The following TTN variants were observed in gnomAD, a reference collection of about 807,000 sequenced individuals.
TTN encodes the protein titin, also known as connectin.
A neutral mutation model predicts 3,223.0 loss-of-function variants in TTN; 1,525 were observed. The ratio of observed to expected loss-of-function variants is 0.47; its 90% CI spans 0.45 to 0.49. TTN has a LOEUF of 0.49. Among genes scored for constraint, TTN ranks in the 20% least tolerant of loss-of-function variants. The pLI is 0.00. For synonymous variants in TTN, 14,094 were observed against 15,161.0 expected (o/e 0.93, Z 5.17); for missense variants, 40,786 against 43,424.0 (o/e 0.94, Z 5.40).
At chr2:178,675,846 G>C in intron 148 of TTN, 75 bp downstream of exon 148, 1 of 1,543,370 alleles carries the variant, frequency 6.5e-7, no homozygotes, top group East Asian at 2.4e-5. Context: ...TAACAAATAC[G>C]GAAACAGGAC....
chr2:178,542,715 T>G lies in TTN; in HGVS notation c.97139A>C (p.Glu32380Ala). ...AGTAGTTCCGGTAACATTCTTCAAT[T>G]CAAGTGTGTATTCTCCAGTATCTCT... ...TIRDTGEYTLELKNVTGTTSE... is the reference protein window; with the variant it reads ...TIRDTGEYTLALKNVTGTTSE... The change falls in exon 348 of 363, where the codon GAA (glutamate) becomes GCA (alanine). Residue 32380 changes from glutamate to alanine, a missense_variant. Physicochemically the swap from Glu to Ala is moderately radical, Grantham distance 107 (BLOSUM62 -1). Transcript: ENST00000589042. 3.1e-6 allele frequency: 5 copies of G among 1,613,856 alleles called. No homozygotes were observed. The highest frequency in any genetic ancestry group is 4.2e-6 in the Non-Finnish European group (5 of 1,179,778).
In TTN at chr2:178,650,807, A is replaced by C; in HGVS notation, c.39653T>G (p.Leu13218Trp). 1 of 1,607,550 alleles carries C rather than the reference A, an allele frequency of 6.2e-7. No individual in the cohort carries two copies. Among genetic ancestry groups the C allele is most frequent in the Non-Finnish European group, 8.5e-7 (1 of 1,176,854 alleles). ...AACAGGAACAGCTGGTTTCTCTTCCAAGACAGGTTTCTTTGGCACTTCTGG... is the reference window on the plus strand; with the variant it reads ...AACAGGAACAGCTGGTTTCTCTTCCCAGACAGGTTTCTTTGGCACTTCTGG... ...KVPEVPKKPV[L>W]EEKPAVPVPE... The change falls in exon 209 of 363, where the codon TTG becomes TGG. Residue 13218 changes from leucine (L) to tryptophan (W), a missense_variant. Coordinates refer to ENST00000589042, the MANE Select transcript of TTN (RefSeq NM_001267550.2).
chr2:178,707,776 A>G lies in TTN; in HGVS notation c.28791T>C (p.Thr9597=). 1 of 1,612,170 alleles carries G rather than the reference A, an allele frequency of 6.2e-7. No homozygotes were observed. The highest frequency in any genetic ancestry group is 8.5e-7 in the Non-Finnish European group (1 of 1,178,518). Reference sequence around the variant, plus strand: ...ATTCTCCTTCACTCACTGTTACTGGAGTAAGGTGCTGATCAAATACAGGTG... The same window carrying G: ...ATTCTCCTTCACTCACTGTTACTGGGGTAAGGTGCTGATCAAATACAGGTG... ...KKPPVFDQHL[T]PVTVSEGEYV... is the part of the protein sequence containing the mutation. The change falls in exon 100 of 363, where the codon ACT becomes ACC. Residue 9597 remains threonine, a synonymous_variant. Transcript: ENST00000589042.
Position 178,566,984 on chromosome 2 carries a change from G to C in TTN, c.79148C>G (p.Pro26383Arg). Reference sequence around the variant, plus strand: ...TTTTGGTGGTCCAGGAAGCACAAATGGATTTTTCATTAGTACTGGTGCAGA... The same window carrying C: ...TTTTGGTGGTCCAGGAAGCACAAATCGATTTTTCATTAGTACTGGTGCAGA... ...LESAPVLMKN[P>R]FVLPGPPKSL... Residue 26383 changes from proline to arginine, a missense_variant, in exon 326 of 363, where the codon CCA (proline) becomes CGA (arginine). Coordinates refer to ENST00000589042, the MANE Select transcript of TTN (RefSeq NM_001267550.2). The C allele has an allele frequency of 6.2e-7, 1 of 1,613,538 alleles. No homozygotes were observed. The highest frequency in any genetic ancestry group is 8.5e-7 in the Non-Finnish European group (1 of 1,179,642).
Position 178,609,944 on chromosome 2 carries a change from G to A in TTN, c.51479C>T (p.Thr17160Ile). 1 of 1,612,732 alleles carries A rather than the reference G, an allele frequency of 6.2e-7. No individual in the cohort carries two copies. The highest frequency in any genetic ancestry group is 8.5e-7 in the Non-Finnish European group (1 of 1,179,196). ...PPVDVEVHNP[T>I]AEAMTITWKP... ...CCATGTAATAGTCATTGCCTCCGCT[G>A]TAGGATTATGAACCTCTACATCTAC... Residue 17160 changes from threonine (T) to isoleucine (I), a missense_variant, in exon 272 of 363, where the codon ACA becomes ATA. Physicochemically the swap from Thr to Ile is moderately conservative, Grantham distance 89. Coordinates refer to ENST00000589042, the MANE Select transcript of TTN (RefSeq NM_001267550.2).
chr2:178,730,803 A>G lies in TTN; in HGVS notation c.17741-11T>C. On this transcript the variant is annotated splice_polypyrimidine_tract_variant and intron_variant, in intron 60 of 362. Coordinates refer to ENST00000589042, the MANE Select transcript of TTN (RefSeq NM_001267550.2). ...GAGGTATGATAAGATCTATTCAATG[A>G]AAAAGCAAACAACAACAAAAAAAGG... is the stretch of plus-strand genomic sequence containing the variant. 6.4e-7 allele frequency: 1 copy of G among 1,555,492 alleles called. No individual in the cohort carries two copies. Among genetic ancestry groups the G allele is most frequent in the Non-Finnish European group, 8.7e-7 (1 of 1,154,462 alleles).
rs772757849 is a variant in TTN at position 178,569,007 on chromosome 2, C to G, written c.77125G>C (p.Asp25709His). The G allele has an allele frequency of 8.7e-6, 14 of 1,613,264 alleles. No homozygotes were observed. The highest frequency in any genetic ancestry group is 1.2e-5 in the Non-Finnish European group (14 of 1,179,558). Reference protein sequence around the residue: ...PQPPGKITVDDVTRNSVSLSW... With the variant: ...PQPPGKITVDHVTRNSVSLSW... Reference sequence around the variant, plus strand: ...AGAGAGACACTGTTTCTGGTGACATCATCCACAGTTATTTTTCCAGGAGGT... The same window carrying G: ...AGAGAGACACTGTTTCTGGTGACATGATCCACAGTTATTTTTCCAGGAGGT... Residue 25709 changes from aspartate (D) to histidine (H), a missense_variant, in exon 326 of 363, where the codon GAT (aspartate) becomes CAT (histidine). Physicochemically the swap from Asp to His is moderately conservative, Grantham distance 81. Transcript: ENST00000589042.
rs1483288501 is a variant in TTN, at chr2:178,551,407, A to G, written c.91271-147T>C. The G allele has an allele frequency of 6.8e-6, 5 of 734,088 alleles. No individual in the cohort carries two copies. In the African/African-American group the frequency reaches 7.4e-5, roughly 11 times the overall value. The allele number at this position is 734,088 out of a possible 1,614,324, so 45.5% of individuals were successfully genotyped here. A position where few individuals can be genotyped will look rare whatever the true frequency, so the allele number is the denominator to read the frequency against. On this transcript the variant is annotated intron_variant, in intron 335 of 362. Coordinates refer to ENST00000589042, the MANE Select transcript of TTN (RefSeq NM_001267550.2). ...AATTTATTCAATCTCCCAAACTCAT[A>G]TTGGTCATTAATTTCAACTTTCCAT... is the stretch of plus-strand genomic sequence containing the variant.
chr2:178,565,862 A>T lies in TTN; in HGVS notation c.80270T>A (p.Val26757Asp). 1.2e-6 allele frequency: 2 copies of T among 1,613,506 alleles called. No individual in the cohort carries two copies. The highest frequency in any genetic ancestry group is 1.7e-6 in the Non-Finnish European group (2 of 1,179,620). The change falls in exon 326 of 363, where the codon GTC becomes GAC. Residue 26757 changes from valine to aspartate, a missense_variant. Physicochemically the swap from Val to Asp is radical, Grantham distance 152 (BLOSUM62 -3). Transcript: ENST00000589042. ...AACTCCAAATTCATTTTCAGCCATG[A>T]CTCTGAAGTAATAAATGGCTCCTTC... ...LTEGAIYYFR[V>D]MAENEFGVGV... is the part of the protein sequence containing the mutation.
At chr2:178,667,049 T>G (rs2066076838) in intron 162 of TTN, 148 bp from the exon 163 acceptor site, 3 of 918,750 alleles carry the variant, frequency 3.3e-6, no homozygotes, top group Non-Finnish European at 4.8e-6. Flanking sequence ...CTTTGTATAT[T>G]ATATGTGTGG....
At chr2:178,747,447 C>T (rs979139801) in intron 47 of TTN, 2 of 1,613,252 alleles carry the variant, frequency 1.2e-6, no homozygotes, top group Non-Finnish European at 1.7e-6. Context: ...TAAAACTGAT[C>T]TAACTCAGAT....
rs876657607 is a variant in TTN at position 178,609,853 on chromosome 2, A to C, written c.51570T>G (p.Gly17190=). 6.2e-7 allele frequency: 1 copy of C among 1,612,618 alleles called. No individual in the cohort carries two copies. Among genetic ancestry groups the C allele is most frequent in the Admixed American group, 1.7e-5 (1 of 59,930 alleles). ...MGYIIEKIAK[G]EERWKRCNEH... is the part of the protein sequence containing the mutation. Reference sequence around the variant, plus strand: ...CATTGCATCTCTTCCACCTTTCTTCACCCTTAGCAATCTTCTCTATGATGT... The same window carrying C: ...CATTGCATCTCTTCCACCTTTCTTCCCCCTTAGCAATCTTCTCTATGATGT... Residue 17190 remains glycine (G), a synonymous_variant, in exon 272 of 363, where the codon GGT becomes GGG. Transcript: ENST00000589042.
chr2:178,797,737 A>G (rs144940398), intron 6 of TTN, among the ~76,000 whole-genome samples: 6 of 152,070 alleles, frequency 3.9e-5, no homozygotes, highest in African/African-American at 1.4e-4. Flanking sequence ...AGGTCTTAAA[A>G]TTTTTTCACA....
chr2:178,532,331 G>T lies in TTN; in HGVS notation c.104284C>A (p.Gln34762Lys). 1.9e-6 allele frequency: 3 copies of T among 1,613,954 alleles called. No homozygotes were observed. Among genetic ancestry groups the T allele is most frequent in the Non-Finnish European group, 2.5e-6 (3 of 1,179,882 alleles). ...QAAYRQPKQRQRIMAEREDEE... is the reference protein window; with the variant it reads ...QAAYRQPKQRKRIMAEREDEE... ...TCCTCCCTCTCAGCCATGATTCTTTGCCGTTGCTTTGGCTGTCTGTACGCA... is the reference window on the plus strand; with the variant it reads ...TCCTCCCTCTCAGCCATGATTCTTTTCCGTTGCTTTGGCTGTCTGTACGCA... The change falls in exon 358 of 363, where the codon CAA (glutamine) becomes AAA (lysine). Residue 34762 changes from glutamine (Q) to lysine (K), a missense_variant. Gln to Lys is a moderately conservative substitution (Grantham distance 53). Transcript: ENST00000589042.
intron 64 of TTN, 23 bp downstream of exon 64, chr2:178,729,265 A>G (rs777967017): frequency 9.5e-5 from 149 of 1,566,710 alleles, no homozygotes; most frequent in Non-Finnish European, 1.2e-4. Context: ...TTTATTTGAT[A>G]GGCTGCTTCT....
intron 165 of TTN, 112 bp downstream of exon 165, chr2:178,665,265 G>A: frequency 9.4e-7 from 1 of 1,067,380 alleles, no homozygotes; most frequent in East Asian, 2.4e-5. Flanking sequence ...ACACTTAAAA[G>A]ATATTAGTAT....
In TTN at chr2:178,599,866, A is replaced by G; in HGVS notation, c.56051-16T>C. Reference sequence around the variant, plus strand: ...GATGGTGGGCCTAGATTATTTAAAAAAAGTTGTCATTAGGAGCAAAAAGCA... The same window carrying G: ...GATGGTGGGCCTAGATTATTTAAAAGAAGTTGTCATTAGGAGCAAAAAGCA... On this transcript the variant is annotated splice_polypyrimidine_tract_variant and intron_variant, in intron 288 of 362. Transcript: ENST00000589042. 2 of 1,536,514 alleles carry G rather than the reference A, an allele frequency of 1.3e-6. No individual in the cohort carries two copies. Among genetic ancestry groups the G allele is most frequent in the Non-Finnish European group, 1.7e-6 (2 of 1,146,390 alleles).
At position 178,777,906 on chromosome 2, in the gene TTN, C is replaced by T. The variant is rs2092397051; in HGVS notation, c.4278G>A (p.Arg1426=). Reference sequence around the variant, plus strand: ...CAGGGGACATCCGTGCAGGAGACATCCTTGCAGGTGACATCCGTGCAGGAG... The same window carrying T: ...CAGGGGACATCCGTGCAGGAGACATTCTTGCAGGTGACATCCGTGCAGGAG... The part of the protein sequence containing the change: ...RMSPARMSPA[R]MSPARMSPAR... Residue 1426 remains arginine, a synonymous_variant, in exon 25 of 363, where the codon AGG becomes AGA. Coordinates refer to ENST00000589042, the MANE Select transcript of TTN (RefSeq NM_001267550.2). 6.2e-7 allele frequency: 1 copy of T among 1,613,780 alleles called. No individual in the cohort carries two copies. Among genetic ancestry groups the T allele is most frequent in the Non-Finnish European group, 8.5e-7 (1 of 1,179,824 alleles).
At position 178,771,440 on chromosome 2, in the gene TTN, C is replaced by G. The variant is rs1360901635; in HGVS notation, c.7887G>C (p.Gln2629His). Residue 2629 changes from glutamine (Q) to histidine (H), a missense_variant, in exon 34 of 363, where the codon CAG becomes CAC. Coordinates refer to ENST00000589042, the MANE Select transcript of TTN (RefSeq NM_001267550.2). Reference sequence around the variant, plus strand: ...CAGCTTCCTGGGATTCAGCTACGGTCTGATCTGTGAGTGGCTTGGAGATGG... The same window carrying G: ...CAGCTTCCTGGGATTCAGCTACGGTGTGATCTGTGAGTGGCTTGGAGATGG... ...GGAISKPLTDQTVAESQEAVF... is the reference protein window; with the variant it reads ...GGAISKPLTDHTVAESQEAVF... 1.2e-6 allele frequency: 2 copies of G among 1,613,778 alleles called. No individual in the cohort carries two copies. Among genetic ancestry groups the G allele is most frequent in the Admixed American group, 3.3e-5 (2 of 59,978 alleles).
Sources: gnomAD v4.1 joint callset for allele counts (sites outside exome capture counted in the v4.1 genomes callset) on GRCh38, gnomAD v4.1.1 for gene constraint, MANE v1.5 for transcripts, NCBI Gene and HGNC (gene_info 2026-07-23, HGNC 2026-07-21) for gene names.